Variants in ZNF804A observed in about 807,000 individuals in gnomAD.
ZNF804A encodes the protein zinc finger protein 804A.
In ZNF804A, 2 loss-of-function variants were observed where a neutral mutation model predicts 16.5. The observed-to-expected ratio is 0.12, with a 90% CI of 0.05 to 0.38. The LOEUF (loss-of-function observed/expected upper bound fraction) is 0.38, where lower values mean the gene tolerates loss of function less well. Ranked by LOEUF, ZNF804A falls within the 10% of genes least tolerant of loss-of-function variation. ZNF804A has a pLI of 0.99. For synonymous variants in ZNF804A, 534 were observed against 489.6 expected (o/e 1.09, Z -1.20); for missense variants, 1,473 against 1,390.7 (o/e 1.06, Z -0.94).
chr2:184,683,287 TAC>T (rs1425093128), intron 1 of ZNF804A, among the ~76,000 whole-genome samples: 4 of 152,248 alleles, frequency 2.6e-5, no homozygotes, highest in Non-Finnish European at 4.4e-5. Context: ...ATGGGGGATA[TAC>T]ACTTTTTTTT....
intron 2 of ZNF804A, among the ~76,000 whole-genome samples, chr2:184,905,420 C>T (rs1484589421): frequency 2.0e-5 from 3 of 151,552 alleles, no homozygotes; most frequent in African/African-American, 7.3e-5. Context: ...TTTTTTAGAT[C>T]TGGCATGTTT....
At chr2:184,860,324 G>A (rs1435281575) in intron 1 of ZNF804A, among the ~76,000 whole-genome samples, 1 of 152,130 alleles carries the variant, frequency 6.6e-6, no homozygotes, top group African/African-American at 2.4e-5. Context: ...GAAGTCTTGG[G>A]GCCTGTGTCC....
intron 1 of ZNF804A, among the ~76,000 whole-genome samples, chr2:184,744,859 C>T (rs1364394569): frequency 1.3e-5 from 2 of 151,780 alleles, no homozygotes; most frequent in African/African-American, 4.8e-5. Context: ...TTACAATTAA[C>T]TCCCAATTAT....
At chr2:184,757,169 T>C (rs773430133) in intron 1 of ZNF804A, among the ~76,000 whole-genome samples, 4 of 152,018 alleles carry the variant, frequency 2.6e-5, no homozygotes, top group Admixed American at 6.6e-5. Context: ...TTTAATATTG[T>C]AAAAACAGCT....
At chr2:184,634,168 G>A (rs1177239065) in intron 1 of ZNF804A, among the ~76,000 whole-genome samples, 1 of 152,128 alleles carries the variant, frequency 6.6e-6, no homozygotes, top group African/African-American at 2.4e-5. Flanking sequence ...ATAGATCAAT[G>A]CAATGTTACA....
At chr2:184,722,426 T>C (rs548415455) in intron 1 of ZNF804A, among the ~76,000 whole-genome samples, 6 of 152,040 alleles carry the variant, frequency 3.9e-5, no homozygotes, top group Non-Finnish European at 7.4e-5. Context: ...GAAATGTGAA[T>C]ACATTACAAA....
At chr2:184,892,123 T>TA (rs1309755599) in intron 2 of ZNF804A, among the ~76,000 whole-genome samples, 5 of 152,206 alleles carry the variant, frequency 3.3e-5, no homozygotes, top group African/African-American at 7.2e-5. Flanking sequence ...ATTTTATAAT[T>TA]ATTAGTTTTG....
chr2:184,726,870 G>T (rs927038100), intron 1 of ZNF804A, among the ~76,000 whole-genome samples: 1 of 151,366 alleles, frequency 6.6e-6, no homozygotes, highest in South Asian at 2.1e-4. Flanking sequence ...ATTTAAAAAA[G>T]AAAGGCCTAT....
chr2:184,843,818 T>C (rs1402522926), intron 1 of ZNF804A, among the ~76,000 whole-genome samples: 1 of 152,190 alleles, frequency 6.6e-6, no homozygotes, highest in Admixed American at 6.6e-5. Flanking sequence ...TCTGGCTTTT[T>C]TAACTCACTC....
intron 2 of ZNF804A, among the ~76,000 whole-genome samples, chr2:184,899,507 G>T (rs1280343780): frequency 1.3e-5 from 2 of 151,716 alleles, no homozygotes; most frequent in Non-Finnish European, 2.9e-5. Flanking sequence ...GGATTCTAGG[G>T]GATTTAAAAA....
intron 1 of ZNF804A, among the ~76,000 whole-genome samples, chr2:184,737,666 A>G (rs981037473): frequency 1.3e-5 from 2 of 152,134 alleles, no homozygotes; most frequent in Non-Finnish European, 2.9e-5. Context: ...TATGCCATTC[A>G]TGAGAACTAA....
rs140494690 is a variant in ZNF804A at position 184,649,602 on chromosome 2, C to T, written c.111+50532C>T. Among the ~76,000 whole-genome samples the T allele has an allele frequency of 5.8e-3, 881 of 151,826 alleles. 9 individuals carry two copies. The highest frequency in any genetic ancestry group is 0.02 in the African/African-American group (841 of 41,448). On this transcript the variant is annotated intron_variant, in intron 1 of 3. Transcript: ENST00000302277. ...GACAAAGGTGACATTACAACTAATCCTCCAGAAATACAAAAGATCCTCAGA... is the reference window on the plus strand; with the variant it reads ...GACAAAGGTGACATTACAACTAATCTTCCAGAAATACAAAAGATCCTCAGA...
chr2:184,870,352 C>T (rs1476020096), intron 2 of ZNF804A, among the ~76,000 whole-genome samples: 9 of 151,796 alleles, frequency 5.9e-5, no homozygotes, highest in Non-Finnish European at 5.9e-5. Flanking sequence ...CCATAGGAGA[C>T]GTAAGTATGT....
At chr2:184,645,120 G>A (rs534330129) in intron 1 of ZNF804A, among the ~76,000 whole-genome samples, 21 of 152,102 alleles carry the variant, frequency 1.4e-4, no homozygotes, top group African/African-American at 4.6e-4. Flanking sequence ...GCCCATTAAT[G>A]TAAGATATCT....
At chr2:184,785,009 A>G (rs1347932588) in intron 1 of ZNF804A, among the ~76,000 whole-genome samples, 1 of 151,848 alleles carries the variant, frequency 6.6e-6, no homozygotes, top group Non-Finnish European at 1.5e-5. Context: ...CACATTTGTT[A>G]CCTTAATTAT....
In ZNF804A at chr2:184,758,199, C is replaced by A. The variant is rs1574198034; in HGVS notation, c.112-108170C>A. 3.3e-5 allele frequency among the ~76,000 whole-genome samples: 5 copies of A among 151,956 alleles called. No individual in the cohort carries two copies. The South Asian group carries it at 1.0e-3, about 31-fold the overall frequency. On this transcript the variant is annotated intron_variant, in intron 1 of 3. Coordinates refer to ENST00000302277, the MANE Select transcript of ZNF804A (RefSeq NM_194250.2). ...GAATTGAATGGGGATAAATATTAAG[C>A]TTCCGGTGAATATATTTATTAGTTT...
At chr2:184,849,845 G>GA (rs1406266142) in intron 1 of ZNF804A, among the ~76,000 whole-genome samples, 1 of 151,988 alleles carries the variant, frequency 6.6e-6, no homozygotes, top group East Asian at 1.9e-4. Context: ...AATGGATAAA[G>GA]AAAATGGGGT....
At chr2:184,765,959 T>C (rs1000468544) in intron 1 of ZNF804A, among the ~76,000 whole-genome samples, 3 of 152,164 alleles carry the variant, frequency 2.0e-5, no homozygotes, top group African/African-American at 4.8e-5. Context: ...AAAAAATCAA[T>C]ATAACACTTG....
At position 184,868,270 on chromosome 2, in the gene ZNF804A, C is replaced by T. The variant is rs185492550; in HGVS notation, c.255+1758C>T. 9.0e-4 allele frequency among the ~76,000 whole-genome samples: 137 copies of T among 152,170 alleles called. 2 individuals are homozygous for T. Among genetic ancestry groups the T allele is most frequent in the Middle Eastern group, 6.8e-3 (2 of 294 alleles). The stretch of plus-strand genomic sequence containing the variant: ...TTCCAGAAGCTAAAAATATTAAAAT[C>T]TATAGAATCTTTTATGCCTTCCCCG... On this transcript the variant is annotated intron_variant, in intron 2 of 3. Coordinates refer to ENST00000302277, the MANE Select transcript of ZNF804A (RefSeq NM_194250.2).
Sources: allele counts gnomAD v4.1 joint callset (sites outside exome capture counted in the v4.1 genomes callset), GRCh38; gene constraint gnomAD v4.1.1; transcripts MANE v1.5; gene names NCBI Gene and HGNC (gene_info 2026-07-23, HGNC 2026-07-21).